Variants in CATSPERD observed in about 807,000 individuals in gnomAD.
The protein encoded by CATSPERD is cation channel sperm-associated auxiliary subunit delta.
A neutral mutation model predicts 98.1 loss-of-function variants in CATSPERD; 86 were observed. The ratio of observed to expected loss-of-function variants is 0.88; its 90% CI spans 0.74 to 1.05. The LOEUF (loss-of-function observed/expected upper bound fraction) is 1.05. Among genes scored for constraint, CATSPERD ranks in the 50% least tolerant of loss-of-function variants. The pLI is 0.00. For synonymous variants in CATSPERD, 394 were observed against 390.2 expected (o/e 1.01, Z -0.12); for missense variants, 995 against 1,005.7 (o/e 0.99, Z 0.14).
At chr19:5,773,105 GCA>G in intron 20 of CATSPERD, 140 bp downstream of exon 20, 1 of 824,342 alleles carries the variant, frequency 1.2e-6, no homozygotes, top group Non-Finnish European at 1.8e-6. Context: ...TGTAATCCCA[GCA>G]CTTTGGGAGG....
intron 18 of CATSPERD, among the ~76,000 whole-genome samples, chr19:5,768,552 G>A (rs2056586927): frequency 6.6e-6 from 1 of 151,814 alleles, no homozygotes; most frequent in African/African-American, 2.4e-5. Context: ...TAGCCAGGTT[G>A]GTCTCAATCT....
At chr19:5,776,958 T>A (rs77077278) in intron 21 of CATSPERD, among the ~76,000 whole-genome samples, 2,766 of 152,156 alleles carry the variant, frequency 0.018, 88 homozygotes, top group African/African-American at 0.064. Flanking sequence ...GTGGAAATAT[T>A]TACACTACGG....
Position 5,759,906 on chromosome 19 carries a change from A to G in CATSPERD, c.1427+762A>G, listed in dbSNP as rs1460586758. Among the ~76,000 whole-genome samples the G allele has an allele frequency of 2.0e-5, 3 of 147,294 alleles. No individual in the cohort carries two copies. The East Asian group carries it at 6.2e-4, about 30-fold the overall frequency. The stretch of plus-strand genomic sequence containing the variant: ...GCCTGGCCAACATGGTGAAACCCCC[A>G]TCTCTACTAAAAATACAAAAATTAG... On this transcript the variant is annotated intron_variant, in intron 15 of 21. Transcript: ENST00000381624.
chr19:5,760,894 TAGAGCAAGACCCTGACCCTGGGCGAC>T (rs2056420892), intron 15 of CATSPERD, among the ~76,000 whole-genome samples: 1 of 150,160 alleles, frequency 6.7e-6, no homozygotes, highest in South Asian at 2.1e-4. Flanking sequence ...GCCTGGGCAA[TAGAGCAAGACCCTGACCCTGGGCGAC>T]AGAGCGAGAC....
chr19:5,772,869 T>C lies in CATSPERD; in HGVS notation c.1845T>C (p.Tyr615=). 2 of 1,614,054 alleles carry C rather than the reference T, an allele frequency of 1.2e-6. No individual in the cohort carries two copies. The highest frequency in any genetic ancestry group is 1.7e-6 in the Non-Finnish European group (2 of 1,179,980). ...TGAACGGGCAGTTCTCATACTCCTA[T>C]TCCCTGACGGCCCAGTCGGCCATGT... ...LEVNGQFSYS[Y]SLTAQSAMCT... Residue 615 remains tyrosine (Y), a synonymous_variant, in exon 20 of 22, where the codon TAT becomes TAC. Coordinates refer to ENST00000381624, the MANE Select transcript of CATSPERD (RefSeq NM_152784.4).
At chr19:5,751,426 C>A (rs1448130215) in intron 11 of CATSPERD, among the ~76,000 whole-genome samples, 1 of 139,196 alleles carries the variant, frequency 7.2e-6, no homozygotes, top group Admixed American at 7.7e-5. Flanking sequence ...CCCAGCTACT[C>A]GGGAGGCTGA....
At chr19:5,743,702 C>CTCTCTG (rs57137634) in intron 7 of CATSPERD, among the ~76,000 whole-genome samples, 4,296 of 124,288 alleles carry the variant, frequency 0.035, 170 homozygotes, top group African/African-American at 0.1. Flanking sequence ...CTCTCTCTCT[C>CTCTCTG]TCTCTGTCTC....
chr19:5,770,258 A>T (rs141309403), intron 18 of CATSPERD, among the ~76,000 whole-genome samples: 2,195 of 149,276 alleles, frequency 0.015, 58 homozygotes, highest in African/African-American at 0.052. Context: ...TGAAACCCAC[A>T]TCTCTACTAA....
intron 4 of CATSPERD, among the ~76,000 whole-genome samples, chr19:5,733,035 C>T (rs1365188904): frequency 1.3e-5 from 2 of 151,348 alleles, no homozygotes; most frequent in East Asian, 1.9e-4. Flanking sequence ...GAGTTTCACC[C>T]TTGTTGCCCA....
intron 20 of CATSPERD, 65 bp downstream of exon 20, chr19:5,773,030 G>A: frequency 6.6e-7 from 1 of 1,515,254 alleles, no homozygotes; most frequent in Non-Finnish European, 9.0e-7. Flanking sequence ...GAGAGTGCGT[G>A]AGGACACCGT....
chr19:5,740,136 C>T (rs2055929254), intron 7 of CATSPERD, among the ~76,000 whole-genome samples: 1 of 151,040 alleles, frequency 6.6e-6, no homozygotes. Flanking sequence ...ACAAAATGGG[C>T]TGGGCGTGGT....
At chr19:5,766,051 C>T in intron 16 of CATSPERD, 52 bp from the exon 17 acceptor site, 1 of 1,449,120 alleles carries the variant, frequency 6.9e-7, no homozygotes, top group Non-Finnish European at 9.6e-7. Flanking sequence ...TTCACTGTGT[C>T]CGGGTGACCC....
chr19:5,752,239 G>T lies in CATSPERD; in HGVS notation c.1164+416G>T, dbSNP rs146872813. Among the ~76,000 whole-genome samples the T allele has an allele frequency of 7.6e-3, 1,155 of 151,678 alleles. 22 individuals are homozygous for T. Among genetic ancestry groups the T allele is most frequent in the African/African-American group, 0.026 (1,087 of 41,338 alleles). On this transcript the variant is annotated intron_variant, in intron 12 of 21. Coordinates refer to ENST00000381624, the MANE Select transcript of CATSPERD (RefSeq NM_152784.4). ...CATGAGAATCTCTTTAACCTGGGAGGCAGAGGTTGCAATGAGCCGAGATCA... is the reference window on the plus strand; with the variant it reads ...CATGAGAATCTCTTTAACCTGGGAGTCAGAGGTTGCAATGAGCCGAGATCA...
In CATSPERD at chr19:5,720,675, C is replaced by G; in HGVS notation, c.-63C>G. ...CGCAGGGCTTCAGCCTGCACGTACT[C>G]GGATTGTGCAGCGACTCCCCGTGGC... On this transcript the variant is annotated 5_prime_UTR_variant, in exon 1 of 22. Coordinates refer to ENST00000381624, the MANE Select transcript of CATSPERD (RefSeq NM_152784.4). 3 of 1,514,458 alleles carry G rather than the reference C, an allele frequency of 2.0e-6. No individual in the cohort carries two copies. The highest frequency in any genetic ancestry group is 1.4e-5 in the African/African-American group (1 of 73,306). The allele number at this position is 1,514,458 out of a possible 1,614,324, so 93.8% of individuals were successfully genotyped here. A position where few individuals can be genotyped will look rare whatever the true frequency, so the allele number is the denominator to read the frequency against.
At chr19:5,748,002 C>T (rs1175574572) in intron 9 of CATSPERD, among the ~76,000 whole-genome samples, 158 bp from the exon 10 acceptor site, 1 of 152,072 alleles carries the variant, frequency 6.6e-6, no homozygotes. Context: ...ATTCATTCTC[C>T]TTTGAATAGC....
chr19:5,760,530 A>T (rs3097892), intron 15 of CATSPERD, among the ~76,000 whole-genome samples: 123,018 of 149,562 alleles, frequency 0.82, 50,715 homozygotes, highest in Non-Finnish European at 0.85. Flanking sequence ...TCCTAGGAGG[A>T]CCCTAGAGTG....
intron 1 of CATSPERD, among the ~76,000 whole-genome samples, chr19:5,722,028 G>A (rs2055495378): frequency 6.6e-6 from 1 of 151,668 alleles, no homozygotes; most frequent in Non-Finnish European, 1.5e-5. Flanking sequence ...TTTTGCCCAG[G>A]CTGGTCTTGA....
At chr19:5,774,266 G>A (rs925868231) in intron 20 of CATSPERD, among the ~76,000 whole-genome samples, 4 of 151,734 alleles carry the variant, frequency 2.6e-5, no homozygotes, top group African/African-American at 7.3e-5. Context: ...GCGCCCGGTC[G>A]GCTCTGTTGG....
At chr19:5,734,122 A>G in intron 5 of CATSPERD, 152 bp downstream of exon 5, 1 of 578,472 alleles carries the variant, frequency 1.7e-6, no homozygotes, top group Non-Finnish European at 3.0e-6. Context: ...AATTGGCCTG[A>G]GTCCCCATCC....
Sources: allele counts gnomAD v4.1 joint callset (sites outside exome capture counted in the v4.1 genomes callset), GRCh38; gene constraint gnomAD v4.1.1; transcripts MANE v1.5; gene names NCBI Gene and HGNC (gene_info 2026-07-23, HGNC 2026-07-21).